PARVA: variants seen among roughly 807,000 people sequenced by gnomAD.
PARVA encodes parvin alpha.
A neutral mutation model predicts 52.6 loss-of-function variants in PARVA; 25 were observed. The ratio of observed to expected loss-of-function variants is 0.48; its 90% confidence interval spans 0.35 to 0.66. The LOEUF (loss-of-function observed/expected upper bound fraction) is 0.66, where lower values mean the gene tolerates loss of function less well. Ranked by LOEUF, PARVA falls within the 30% of genes least tolerant of loss-of-function variation. PARVA has a pLI of 0.01. For synonymous variants in PARVA, 185 were observed against 179.1 expected (o/e 1.03, Z -0.26); for missense variants, 373 against 450.9 (o/e 0.83, Z 1.56).
intron 4 of PARVA, among the ~76,000 whole-genome samples, chr11:12,483,184 C>G (rs1050514680): frequency 2.0e-5 from 3 of 152,224 alleles, no homozygotes; most frequent in Non-Finnish European, 4.4e-5. Context: ...CAGCCTCTCC[C>G]TAGTCCTTTC....
At chr11:12,489,056 G>T (rs1013034624) in intron 4 of PARVA, among the ~76,000 whole-genome samples, 1 of 151,978 alleles carries the variant, frequency 6.6e-6, no homozygotes, top group African/African-American at 2.4e-5. Context: ...TGGGTATGGT[G>T]GCTCATACCT....
rs1359788179 is a variant in PARVA, at chr11:12,377,796, A to T, written c.136+13A>T. 1 of 1,480,062 alleles carries T rather than the reference A, an allele frequency of 6.8e-7. No individual in the cohort carries two copies. The highest frequency in any genetic ancestry group is 9.0e-7 in the Non-Finnish European group (1 of 1,116,570). The allele number at this position is 1,480,062 out of a possible 1,614,324, so 91.7% of individuals were successfully genotyped here. A position where few individuals can be genotyped will look rare whatever the true frequency, so the allele number is the denominator to read the frequency against. On this transcript the variant is annotated intron_variant, in intron 1 of 12. Transcript: ENST00000334956. The stretch of plus-strand genomic sequence containing the variant: ...AAAGCCAAGGAGGGTGAGTGCGGCC[A>T]GGCCGGCCGGGCGGGCGGTAGGAGC...
chr11:12,384,019 CA>C (rs751130313), intron 1 of PARVA, among the ~76,000 whole-genome samples: 11 of 152,144 alleles, frequency 7.2e-5, no homozygotes, highest in Non-Finnish European at 1.5e-4. Flanking sequence ...TGGCCAGTCC[CA>C]CCCATATGTG....
intron 1 of PARVA, among the ~76,000 whole-genome samples, chr11:12,395,416 A>G (rs1466441809): frequency 6.6e-6 from 1 of 151,986 alleles, no homozygotes; most frequent in Non-Finnish European, 1.5e-5. Context: ...ATTCTGAGAT[A>G]CTCCTGGAGG....
chr11:12,378,786 C>T (rs1224994353), intron 1 of PARVA, among the ~76,000 whole-genome samples: 1 of 152,056 alleles, frequency 6.6e-6, no homozygotes, highest in Non-Finnish European at 1.5e-5. Flanking sequence ...TTCTGGGGCA[C>T]ATGTGATAAT....
At chr11:12,525,476 C>T (rs1941688656) in intron 12 of PARVA, among the ~76,000 whole-genome samples, 2 of 152,190 alleles carry the variant, frequency 1.3e-5, no homozygotes, top group Middle Eastern at 3.4e-3. Context: ...CCTTTACACC[C>T]AACTCCCTTG....
intron 1 of PARVA, among the ~76,000 whole-genome samples, chr11:12,377,998 G>A (rs1292955792): frequency 6.7e-6 from 1 of 148,420 alleles, no homozygotes; most frequent in Non-Finnish European, 1.5e-5. Context: ...AGGCCACCCC[G>A]CCCGCTCGCG....
chr11:12,377,614 G>C lies in PARVA; in HGVS notation c.-34G>C, dbSNP rs1939413216. On this transcript the variant is annotated 5_prime_UTR_variant, in exon 1 of 13. Transcript: ENST00000334956. ...TGCGTCCGCCCAGCGCCAGCTCCGC[G>C]TCCCGACCGGCCCGCGGCAGCCTGC... 3.9e-6 allele frequency: 6 copies of C among 1,553,226 alleles called. No homozygotes were observed. Among genetic ancestry groups the C allele is most frequent in the Non-Finnish European group, 5.2e-6 (6 of 1,156,124 alleles).
chr11:12,390,170 A>G (rs527823344), intron 1 of PARVA, among the ~76,000 whole-genome samples: 174 of 152,324 alleles, frequency 1.1e-3, no homozygotes, highest in African/African-American at 4.1e-3. Context: ...AAACATTCAT[A>G]GGCAGAATCG....
intron 4 of PARVA, chr11:12,478,886 TA>T (rs1941049193): frequency 6.6e-6 from 1 of 152,232 alleles, no homozygotes; most frequent in Non-Finnish European, 1.5e-5. Context: ...TGCCTGTACT[TA>T]TTTATAACTC....
Position 12,387,989 on chromosome 11 carries a change from A to AT in PARVA, c.136+10208dup, listed in dbSNP as rs368108556. Among the ~76,000 whole-genome samples, 18 of 152,226 alleles carry AT rather than the reference A, an allele frequency of 1.2e-4. No individual in the cohort carries two copies. In the East Asian group the frequency reaches 3.5e-3, roughly 29 times the overall value. On this transcript the variant is annotated intron_variant, in intron 1 of 12. Coordinates refer to ENST00000334956, the MANE Select transcript of PARVA (RefSeq NM_018222.5). ...CCCTTAATTCCCCAAAGTCTGTCTC[A>AT]TTCTCCCTCCCCTGCCTATTCCATC...
At chr11:12,525,630 T>TA (rs992460753) in intron 12 of PARVA, among the ~76,000 whole-genome samples, 2 of 152,108 alleles carry the variant, frequency 1.3e-5, no homozygotes, top group African/African-American at 4.8e-5. Flanking sequence ...GGCATGGGAT[T>TA]CCATCTGGCA....
chr11:12,509,343 T>TCAGGCAGAGCC (rs1214228695), intron 7 of PARVA, among the ~76,000 whole-genome samples: 1 of 152,174 alleles, frequency 6.6e-6, no homozygotes, highest in Admixed American at 6.5e-5. Context: ...CCAACCCAAC[T>TCAGGCAGAGCC]TGAGTTCAAA....
chr11:12,474,053 G>T (rs962143497), intron 3 of PARVA, 70 bp downstream of exon 3: 8 of 1,250,246 alleles, frequency 6.4e-6, no homozygotes, highest in Non-Finnish European at 8.0e-6. Flanking sequence ...CACCTGCTCT[G>T]TGCAGGTACC....
intron 1 of PARVA, among the ~76,000 whole-genome samples, chr11:12,380,239 T>C (rs1374200044): frequency 1.4e-5 from 2 of 140,244 alleles, no homozygotes; most frequent in Non-Finnish European, 3.1e-5. Context: ...AAAGGGCTAT[T>C]GACAGAGCTG....
intron 1 of PARVA, among the ~76,000 whole-genome samples, chr11:12,413,678 G>A (rs79954416): frequency 0.016 from 2,507 of 152,302 alleles, 29 homozygotes; most frequent in Non-Finnish European, 0.025. Flanking sequence ...TTTAACCTCA[G>A]TAGTCAGGTG....
At chr11:12,378,855 G>A (rs977082857) in intron 1 of PARVA, among the ~76,000 whole-genome samples, 1 of 152,164 alleles carries the variant, frequency 6.6e-6, no homozygotes, top group East Asian at 1.9e-4. Flanking sequence ...TCCCAGTCCA[G>A]ACCCCAAGAG....
intron 1 of PARVA, among the ~76,000 whole-genome samples, chr11:12,467,552 G>A (rs1481709404): frequency 1.6e-4 from 25 of 152,172 alleles, no homozygotes; most frequent in Admixed American, 1.6e-3. Context: ...CTTTCAGATT[G>A]ATTTTTCACA....
At position 12,481,534 on chromosome 11, in the gene PARVA, G is replaced by A. The variant is rs374604373; in HGVS notation, c.400+3585G>A. Among the ~76,000 whole-genome samples, 64 of 151,592 alleles carry A rather than the reference G, an allele frequency of 4.2e-4. 1 individual carries two copies. The South Asian group carries it at 0.013, about 30-fold the overall frequency. ...TCCTGAAATCAATCACTTCTCCAAC[G>A]AGCCCTGATTTATTTTATTAGAGAA... On this transcript the variant is annotated intron_variant, in intron 4 of 12. Coordinates refer to ENST00000334956, the MANE Select transcript of PARVA (RefSeq NM_018222.5).
Sources: allele counts gnomAD v4.1 joint callset (sites outside exome capture counted in the v4.1 genomes callset), GRCh38; gene constraint gnomAD v4.1.1; transcripts MANE v1.5; gene names NCBI Gene and HGNC (gene_info 2026-07-23, HGNC 2026-07-21).